EPS8: variants seen among roughly 807,000 people sequenced by gnomAD.
EPS8 encodes EGFR pathway substrate 8, signaling adaptor, also known as epidermal growth factor receptor kinase substrate 8.
EPS8 carries 42 observed loss-of-function variants against 103.8 expected under a neutral mutation model. The observed-to-expected ratio is 0.40, with a 90% confidence interval of 0.32 to 0.52. The LOEUF (loss-of-function observed/expected upper bound fraction) is 0.52, where lower values mean the gene tolerates loss of function less well. EPS8 is among the 20% of genes least tolerant of loss of function. The probability of loss-of-function intolerance (pLI) is 0.40; values close to 1 mark genes in which losing one functional copy is unlikely to be tolerated. For missense variants in EPS8, 969 were observed against 1,005.1 expected (o/e 0.96, Z 0.49); for synonymous variants, 344 against 344.6 (o/e 1.00, Z 0.02).
At chr12:15,753,170 G>A (rs1357788057) in intron 1 of EPS8, among the ~76,000 whole-genome samples, 3 of 152,032 alleles carry the variant, frequency 2.0e-5, no homozygotes, top group African/African-American at 7.3e-5. Flanking sequence ...ATTTTGCTTT[G>A]TTTAGAAACA....
chr12:15,663,572 G>C (rs1945645068), intron 8 of EPS8, among the ~76,000 whole-genome samples: 1 of 152,100 alleles, frequency 6.6e-6, no homozygotes, highest in Admixed American at 6.6e-5. Context: ...AAATATTTCA[G>C]ATAAAATTTA....
intron 1 of EPS8, among the ~76,000 whole-genome samples, chr12:15,719,312 T>C (rs574853588): frequency 4.6e-5 from 7 of 152,282 alleles, no homozygotes; most frequent in Admixed American, 4.6e-4. Flanking sequence ...AAAATGCCTG[T>C]TTTCTGAGTA....
chr12:15,673,120 T>C (rs1289350542), intron 3 of EPS8, among the ~76,000 whole-genome samples: 1 of 152,208 alleles, frequency 6.6e-6, no homozygotes, highest in Non-Finnish European at 1.5e-5. Flanking sequence ...AAAAACTATC[T>C]GATAGCATTT....
chr12:15,746,095 C>G (rs1231415417), intron 1 of EPS8, among the ~76,000 whole-genome samples: 2 of 152,088 alleles, frequency 1.3e-5, no homozygotes, highest in African/African-American at 4.8e-5. Context: ...TTGCCTATAC[C>G]AGTTTATTAA....
intron 14 of EPS8, among the ~76,000 whole-genome samples, chr12:15,649,066 C>G (rs1232833805): frequency 6.6e-6 from 1 of 152,192 alleles, no homozygotes; most frequent in East Asian, 1.9e-4. Context: ...TTCCCTGGAA[C>G]TGCTAGAATG....
At position 15,734,477 on chromosome 12, in the gene EPS8, G is replaced by A. The variant is rs952800120; in HGVS notation, c.-21-51505C>T. On this transcript the variant is annotated intron_variant, in intron 1 of 20. Coordinates refer to ENST00000281172, the MANE Select transcript of EPS8 (RefSeq NM_004447.6). This position sits in a 1 kb window ranked among gnomAD's most constrained non-coding sequence, Gnocchi z 4.1. ...TGGGAGGCTGAGGCGGGTGGATCAC[G>A]AGGTCAGGAGATCGAGACCATCCTG... 6.6e-5 allele frequency among the ~76,000 whole-genome samples: 10 copies of A among 152,162 alleles called. No homozygotes were observed. Among genetic ancestry groups the A allele is most frequent in the African/African-American group, 2.4e-4 (10 of 41,526 alleles).
At chr12:15,770,499 T>C (rs1442815786) in intron 1 of EPS8, among the ~76,000 whole-genome samples, 1 of 152,032 alleles carries the variant, frequency 6.6e-6, no homozygotes, top group African/African-American at 2.4e-5. Context: ...ATCTTGAAAA[T>C]TGTGCTCTAA....
At chr12:15,740,406 G>C (rs1308713235) in intron 1 of EPS8, among the ~76,000 whole-genome samples, 2 of 152,016 alleles carry the variant, frequency 1.3e-5, no homozygotes, top group African/African-American at 4.8e-5. Flanking sequence ...TTAGCCAGGC[G>C]TGGTGGTGCA....
chr12:15,641,016 G>A (rs1277271523), intron 16 of EPS8, among the ~76,000 whole-genome samples, 170 bp from the exon 17 acceptor site: 1 of 149,128 alleles, frequency 6.7e-6, no homozygotes, highest in Non-Finnish European at 1.5e-5. Flanking sequence ...ACATTTATGA[G>A]TATACAGTAG....
chr12:15,675,190 G>C (rs1459052207), intron 3 of EPS8, among the ~76,000 whole-genome samples: 1 of 152,186 alleles, frequency 6.6e-6, no homozygotes, highest in African/African-American at 2.4e-5. Flanking sequence ...GCAGTTTATA[G>C]GTTACTTATA....
At chr12:15,744,900 A>G (rs1472891766) in intron 1 of EPS8, among the ~76,000 whole-genome samples, 1 of 152,056 alleles carries the variant, frequency 6.6e-6, no homozygotes, top group Non-Finnish European at 1.5e-5. Flanking sequence ...TTTTTGAGAC[A>G]GACTCTCGCT....
rs1360972641 is a variant in EPS8 at position 15,736,252 on chromosome 12, CAA to C, written c.-22+52907_-22+52908del. ...CACTTTAATGAACTGTAATAATTAA[CAA>C]TATTAACTTTTTTATAACATGAGTC... On this transcript the variant is annotated intron_variant, in intron 1 of 20. Transcript: ENST00000281172. The surrounding 1 kb of genome is among the most constrained non-coding windows in gnomAD (Gnocchi z 4.2). Among the ~76,000 whole-genome samples the C allele has an allele frequency of 2.0e-5, 3 of 152,106 alleles. No individual in the cohort carries two copies. The highest frequency in any genetic ancestry group is 4.4e-5 in the Non-Finnish European group (3 of 68,032).
intron 1 of EPS8, among the ~76,000 whole-genome samples, chr12:15,786,175 A>G (rs1947308998): frequency 1.3e-5 from 2 of 152,090 alleles, no homozygotes; most frequent in South Asian, 4.1e-4. Context: ...GCCAGGTGAT[A>G]AAGATGAGTA....
chr12:15,686,140 C>T (rs1052446299), intron 1 of EPS8, among the ~76,000 whole-genome samples: 1 of 152,166 alleles, frequency 6.6e-6, no homozygotes, highest in African/African-American at 2.4e-5. Context: ...CACTTCTTCT[C>T]CCTCAGCCTA....
Position 15,696,652 on chromosome 12 carries a change from A to G in EPS8, c.-21-13680T>C, listed in dbSNP as rs1946247302. On this transcript the variant is annotated intron_variant, in intron 1 of 20. Coordinates refer to ENST00000281172, the MANE Select transcript of EPS8 (RefSeq NM_004447.6). The surrounding 1 kb of genome is among the most constrained non-coding windows in gnomAD (Gnocchi z 4.8). ...GAGACTCTGTCTCAAATAAAAAAACAAAAACATGGACTTGATGAATCAGAA... is the reference window on the plus strand; with the variant it reads ...GAGACTCTGTCTCAAATAAAAAAACGAAAACATGGACTTGATGAATCAGAA... Among the ~76,000 whole-genome samples, 1 of 152,138 alleles carries G rather than the reference A, an allele frequency of 6.6e-6. No individual in the cohort carries two copies. Among genetic ancestry groups the G allele is most frequent in the African/African-American group, 2.4e-5 (1 of 41,426 alleles).
At chr12:15,656,022 C>A (rs1945502377) in intron 12 of EPS8, among the ~76,000 whole-genome samples, 5 of 152,142 alleles carry the variant, frequency 3.3e-5, no homozygotes, top group Admixed American at 3.3e-4. Flanking sequence ...TAAACATTGG[C>A]AAGTAAACCA....
At chr12:15,655,311 C>T (rs1448928638) in intron 12 of EPS8, among the ~76,000 whole-genome samples, 1 of 152,200 alleles carries the variant, frequency 6.6e-6, no homozygotes, top group Non-Finnish European at 1.5e-5. Context: ...ATTAGTAACA[C>T]ATTACACTAT....
chr12:15,631,424 C>A lies in EPS8; in HGVS notation c.2044+18G>T, dbSNP rs751131007. The stretch of plus-strand genomic sequence containing the variant: ...TTTAATTTGCAGAAGACATTTTTTG[C>A]CTCCCTGGGAAACTTACGGTCCACC... On this transcript the variant is annotated intron_variant, in intron 18 of 20. Coordinates refer to ENST00000281172, the MANE Select transcript of EPS8 (RefSeq NM_004447.6). 1.6e-5 allele frequency: 25 copies of A among 1,609,168 alleles called. No individual in the cohort carries two copies. The Admixed American group carries it at 4.1e-4, about 26-fold the overall frequency.
intron 1 of EPS8, among the ~76,000 whole-genome samples, chr12:15,737,728 T>A (rs950426849): frequency 6.6e-6 from 1 of 152,182 alleles, no homozygotes; most frequent in African/African-American, 2.4e-5. Context: ...ATTAAAAACT[T>A]AATGATGCTA....
Sources: gnomAD v4.1 joint callset for allele counts (sites outside exome capture counted in the v4.1 genomes callset) on GRCh38, gnomAD v4.1.1 for gene constraint, Gnocchi (gnomAD v3.1) non-coding constraint, MANE v1.5 for transcripts, NCBI Gene and HGNC (gene_info 2026-07-23, HGNC 2026-07-21) for gene names.